The following MACF1 variants were observed in gnomAD, a reference collection of about 807,000 sequenced individuals.
MACF1 encodes microtubule-actin cross-linking factor 1.
A neutral mutation model predicts 854.8 loss-of-function variants in MACF1; 193 were observed. That is an observed-to-expected ratio of 0.23 (90% confidence interval 0.20 to 0.25). The LOEUF (loss-of-function observed/expected upper bound fraction) is 0.25. MACF1 is among the 10% of genes least tolerant of loss of function. The probability of loss-of-function intolerance (pLI) is 1.00; values close to 1 mark genes in which losing one functional copy is unlikely to be tolerated. For missense variants in MACF1, 7,722 were observed against 8,929.1 expected, an observed-to-expected ratio of 0.86 and a Z score of 5.45; for synonymous variants, 3,185 against 3,226.7, an observed-to-expected ratio of 0.99 and a Z score of 0.44.
chr1:39,312,285 A>G (rs1356931045), intron 26 of MACF1, among the ~76,000 whole-genome samples: 1 of 152,218 alleles, frequency 6.6e-6, no homozygotes, highest in East Asian at 1.9e-4. Context: ...TTTTAAAATA[A>G]TTTCAGATAT....
chr1:39,446,792 C>G (rs1209488155), intron 80 of MACF1, among the ~76,000 whole-genome samples: 1 of 152,050 alleles, frequency 6.6e-6, no homozygotes, highest in African/African-American at 2.4e-5. Flanking sequence ...TAGCCTTTTC[C>G]CTGAATGAGC....
At chr1:39,150,332 G>A (rs913152812) in intron 2 of MACF1, among the ~76,000 whole-genome samples, 1 of 151,934 alleles carries the variant, frequency 6.6e-6, no homozygotes, top group Non-Finnish European at 1.5e-5. Context: ...ACTCTTTTTT[G>A]TCTCTCACAT....
Position 39,370,124 on chromosome 1 carries a change from A to T in MACF1, c.13033A>T (p.Ile4345Phe), listed in dbSNP as rs1369260644. ...QKWLKETEGS[I>F]PPTETSMSAK... is the part of the protein sequence containing the mutation. ...ATGGTTGAAAGAAACTGAAGGGAGT[A>T]TTCCACCTACGGAAACTTCTATGAG... is the stretch of plus-strand genomic sequence containing the variant. Residue 4345 changes from isoleucine to phenylalanine, a missense_variant, in exon 51 of 101, where the codon ATT becomes TTT. Ile to Phe is a conservative substitution (Grantham distance 21). Around this residue, in one of 15 missense-constraint regions of MACF1, gnomAD observed 2,807 missense variants for 3,235.8 expected, o/e 0.87. Coordinates refer to ENST00000564288, the MANE Select transcript of MACF1 (RefSeq NM_001394062.1). 1 of 1,614,140 alleles carries T rather than the reference A, an allele frequency of 6.2e-7. No homozygotes were observed. The highest frequency in any genetic ancestry group is 8.5e-7 in the Non-Finnish European group (1 of 1,179,946).
chr1:39,235,995 C>T (rs575374366), intron 2 of MACF1, among the ~76,000 whole-genome samples: 71 of 152,332 alleles, frequency 4.7e-4, no homozygotes, highest in African/African-American at 1.4e-3. Context: ...ACCTTGGCCT[C>T]CCAGTGTCTT....
At chr1:39,455,569 G>A (rs909907128) in intron 89 of MACF1, among the ~76,000 whole-genome samples, 2 of 152,260 alleles carry the variant, frequency 1.3e-5, no homozygotes, top group Non-Finnish European at 2.9e-5. Context: ...TGTAATTAAG[G>A]GAGTGAATAT....
chr1:39,411,608 G>A (rs373895004), intron 58 of MACF1: 193 of 1,613,838 alleles, frequency 1.2e-4, no homozygotes, highest in Non-Finnish European at 1.2e-4. Flanking sequence ...GATTCAGCAT[G>A]TACTGTGGGT....
In MACF1 at chr1:39,453,320, A is replaced by T. The variant is rs532175677; in HGVS notation, c.20743-387A>T. Among the ~76,000 whole-genome samples, 15 of 152,350 alleles carry T rather than the reference A, an allele frequency of 9.8e-5. No homozygotes were observed. The East Asian group carries it at 2.9e-3, about 29-fold the overall frequency. ...TTATATTCTGTTATGGGTATTTTTTAAAATCATGGTTTTTACAACTATAAT... is the reference window on the plus strand; with the variant it reads ...TTATATTCTGTTATGGGTATTTTTTTAAATCATGGTTTTTACAACTATAAT... On this transcript the variant is annotated intron_variant, in intron 87 of 100. Coordinates refer to ENST00000564288, the MANE Select transcript of MACF1 (RefSeq NM_001394062.1).
upstream of MACF1, among the ~76,000 whole-genome samples, chr1:39,200,450 G>C (rs1217728362): frequency 2.6e-5 from 4 of 152,130 alleles, no homozygotes; most frequent in Non-Finnish European, 5.9e-5. Flanking sequence ...TGTAATCCCA[G>C]CACTTTGGGA....
At position 39,354,688 on chromosome 1, in the gene MACF1, A is replaced by G. The variant is rs971598684; in HGVS notation, c.11424+1457A>G. The stretch of plus-strand genomic sequence containing the variant: ...TGTTGGGATTACAGGTGCCCAGCCT[A>G]TAAGTTCCTCTTATACCCTTTCCTA... On this transcript the variant is annotated intron_variant, in intron 44 of 100. Transcript: ENST00000564288. Among the ~76,000 whole-genome samples the G allele has an allele frequency of 4.6e-5, 7 of 152,116 alleles. No homozygotes were observed. The East Asian group carries it at 7.7e-4, about 17-fold the overall frequency.
intron 2 of MACF1, among the ~76,000 whole-genome samples, chr1:39,121,654 G>A (rs909543860): frequency 6.6e-6 from 1 of 152,050 alleles, no homozygotes; most frequent in African/African-American, 2.4e-5. Context: ...CGCCATTTTG[G>A]CCAGGCTAGT....
chr1:39,406,756 A>AAACAAAAAAC (rs1642727882), intron 58 of MACF1, among the ~76,000 whole-genome samples: 1 of 116,058 alleles, frequency 8.6e-6, no homozygotes. Flanking sequence ...AAAAAAAAAA[A>AAACAAAAAAC]AACATTCTTT....
In MACF1 at chr1:39,486,019, A is replaced by G; in HGVS notation, c.*225A>G. 2.6e-6 allele frequency: 1 copy of G among 381,658 alleles called. No individual in the cohort carries two copies. The highest frequency in any genetic ancestry group is 4.6e-6 in the Non-Finnish European group (1 of 218,740). The allele number at this position is 381,658 out of a possible 1,614,324, so 23.6% of individuals were successfully genotyped here. A position where few individuals can be genotyped will look rare whatever the true frequency, so the allele number is the denominator to read the frequency against. ...AACCCTGTAATGGATGGGGCCCAGA[A>G]ATGAAATATTTGAGAAAAACAAGTG... On this transcript the variant is annotated 3_prime_UTR_variant, in exon 101 of 101. Transcript: ENST00000564288.
chr1:39,474,618 G>A (rs766399271), intron 97 of MACF1, among the ~76,000 whole-genome samples: 3 of 152,158 alleles, frequency 2.0e-5, no homozygotes, highest in East Asian at 1.9e-4. Context: ...CACTTGAACC[G>A]GGGAAGCGGA....
intron 2 of MACF1, among the ~76,000 whole-genome samples, chr1:39,178,817 C>T (rs1012779368): frequency 1.3e-5 from 2 of 152,148 alleles, no homozygotes; most frequent in Non-Finnish European, 2.9e-5. Context: ...GATCAGGTGG[C>T]TTGTGATCAT....
chr1:39,481,438 A>G (rs1055060574), intron 99 of MACF1, among the ~76,000 whole-genome samples: 5 of 152,208 alleles, frequency 3.3e-5, no homozygotes, highest in Admixed American at 2.0e-4. Flanking sequence ...TGCTTAGAAC[A>G]GAAGAGTGGT....
At position 39,459,078 on chromosome 1, in the gene MACF1, C is replaced by T. The variant is rs745552943; in HGVS notation, c.21197-8C>T. The T allele has an allele frequency of 8.1e-6, 13 of 1,604,282 alleles. No homozygotes were observed. The highest frequency in any genetic ancestry group is 1.1e-5 in the Non-Finnish European group (13 of 1,176,246). ...CTGTTCTAATCTTGTGATTATTTTT[C>T]CTTTTAGGGAAATCCCTAAGTCAGC... On this transcript the variant is annotated splice_region_variant and splice_polypyrimidine_tract_variant and intron_variant, in intron 90 of 100. Coordinates refer to ENST00000564288, the MANE Select transcript of MACF1 (RefSeq NM_001394062.1).
intron 69 of MACF1, 38 bp downstream of exon 69, chr1:39,434,670 A>G: frequency 6.3e-7 from 1 of 1,577,874 alleles, no homozygotes; most frequent in Non-Finnish European, 8.7e-7. Context: ...TTGTTCTAAA[A>G]TGGTCTCTAT....
In MACF1 at chr1:39,347,211, G is replaced by C. The variant is rs1647071710; in HGVS notation, c.10815+1G>C. ...AATGGAGCAGGAAGCCCTGGTGAAG[G>C]TCAGACTGAACCAGCAGCTGGGCTC... On this transcript the variant is annotated splice_donor_variant, in intron 41 of 100. Coordinates refer to ENST00000564288, the MANE Select transcript of MACF1 (RefSeq NM_001394062.1). LOFTEE classifies it high-confidence loss of function. The C allele has an allele frequency of 6.2e-7, 1 of 1,608,102 alleles. No homozygotes were observed. Among genetic ancestry groups the C allele is most frequent in the Non-Finnish European group, 8.5e-7 (1 of 1,175,084 alleles).
Position 39,084,447 on chromosome 1 carries a change from G to T in MACF1, c.220+9G>T. 1 of 1,603,586 alleles carries T rather than the reference G, an allele frequency of 6.2e-7. No individual in the cohort carries two copies. The stretch of plus-strand genomic sequence containing the variant: ...TGTGGTCAGAGTCGCTGGTAAGAGA[G>T]GTCCCCCAGCAGGCTGGACGCTGTG... On this transcript the variant is annotated intron_variant, in intron 2 of 93. Transcript: ENST00000361689. The surrounding 1 kb of genome is among the most constrained non-coding windows in gnomAD (Gnocchi z 5.2).
Sources: allele counts gnomAD v4.1 joint callset (sites outside exome capture counted in the v4.1 genomes callset), GRCh38; gene constraint gnomAD v4.1.1; regional missense constraint gnomAD v4.1.1; non-coding constraint Gnocchi (gnomAD v3.1); transcripts MANE v1.5; gene names NCBI Gene and HGNC (gene_info 2026-07-23, HGNC 2026-07-21).